MTSS2: variants seen among roughly 807,000 people sequenced by gnomAD.
MTSS2 encodes the protein protein MTSS 2.
Under a neutral mutation model 67.1 loss-of-function variants are expected in MTSS2, and 27 were observed. That is an observed-to-expected ratio of 0.40 (90% CI 0.30 to 0.55). MTSS2 has a LOEUF of 0.55. Ranked by LOEUF, MTSS2 falls within the 20% of genes least tolerant of loss-of-function variation. The pLI, the probability that MTSS2 is intolerant of heterozygous loss-of-function variation, is 0.43. For synonymous variants in MTSS2, 624 were observed against 468.6 expected, an observed-to-expected ratio of 1.33 and a Z score of -4.28; for missense variants, 1,171 against 1,067.8, an observed-to-expected ratio of 1.10 and a Z score of -1.35.
Position 70,674,364 on chromosome 16 carries a change from G to A in MTSS2, c.995C>T (p.Ser332Phe). 6.2e-7 allele frequency: 1 copy of A among 1,614,160 alleles called. No homozygotes were observed. Among genetic ancestry groups the A allele is most frequent in the Non-Finnish European group, 8.5e-7 (1 of 1,180,038 alleles). ...GGGCTTGGAGTAGGTGGCGTCCTGG[G>A]AGACGAAGCCAGAGTCATGGGAGGA... Reference protein sequence around the residue: ...SVSSHDSGFVSQDATYSKPPS... With the variant: ...SVSSHDSGFVFQDATYSKPPS... Residue 332 changes from serine (S) to phenylalanine (F), a missense_variant, in exon 11 of 15, where the codon TCC becomes TTC. Physicochemically the swap from Ser to Phe is radical, Grantham distance 155 (BLOSUM62 -2). Around this residue, in one of 2 missense-constraint regions of MTSS2, gnomAD observed 924 missense variants for 756.0 expected, o/e 1.22. Transcript: ENST00000338779.
rs2052580484 is a variant in MTSS2, at chr16:70,663,767, G to C, written c.2154C>G (p.Pro718=). 2 of 1,534,020 alleles carry C rather than the reference G, an allele frequency of 1.3e-6. No homozygotes were observed. Among genetic ancestry groups the C allele is most frequent in the Non-Finnish European group, 1.8e-6 (2 of 1,142,792 alleles). The part of the protein sequence containing the change: ...PTPPPAATSD[P]PAEDMLVAIR... ...TGGCCACCAGCATGTCTTCGGCCGG[G>C]GGGTCGCTGGTGGCGGCTGGGGGTG... Residue 718 remains proline, a synonymous_variant, in exon 15 of 15, where the codon CCC becomes CCG. Transcript: ENST00000338779.
chr16:70,678,541 C>A (rs531711983), intron 7 of MTSS2, 132 bp from the exon 8 acceptor site: 2 of 1,061,328 alleles, frequency 1.9e-6, no homozygotes, highest in Non-Finnish European at 2.6e-6. Flanking sequence ...CAGGGGACTG[C>A]GGAGGGCAGT....
Position 70,685,239 on chromosome 16 carries a change from C to G in MTSS2, c.69+484G>C, listed in dbSNP as rs546369246. Among the ~76,000 whole-genome samples, 32 of 152,124 alleles carry G rather than the reference C, an allele frequency of 2.1e-4. 1 individual carries two copies. In the South Asian group the frequency reaches 3.5e-3, roughly 17 times the overall value. The stretch of plus-strand genomic sequence containing the variant: ...GGGCTGGGGGACGCAGTCTCACGGT[C>G]GGGTGCAGAGGCCTAGGTCGGCGGG... On this transcript the variant is annotated intron_variant, in intron 1 of 14. Transcript: ENST00000338779.
chr16:70,680,979 A>C lies in MTSS2; in HGVS notation c.116T>G (p.Leu39Arg), dbSNP rs1333390309. The change falls in exon 2 of 15, where the codon CTG becomes CGG. Residue 39 changes from leucine to arginine, a missense_variant. Physicochemically the swap from Leu to Arg is moderately radical, Grantham distance 102. Coordinates refer to ENST00000338779, the MANE Select transcript of MTSS2 (RefSeq NM_138383.3). Reference sequence around the variant, plus strand: ...GCCACCTCACCTCAGCTGGGAATGCAGCTTCGTGGCCTTGGAGTTGAAGTC... The same window carrying C: ...GCCACCTCACCTCAGCTGGGAATGCCGCTTCGTGGCCTTGGAGTTGAAGTC... ...WEDFNSKATK[L>R]HSQLRTTVLA... 6.2e-7 allele frequency: 1 copy of C among 1,608,520 alleles called. No homozygotes were observed. Among genetic ancestry groups the C allele is most frequent in the Non-Finnish European group, 8.5e-7 (1 of 1,178,156 alleles).
At position 70,665,099 on chromosome 16, in the gene MTSS2, G is replaced by A; in HGVS notation, c.1129-3C>T. On this transcript the variant is annotated splice_polypyrimidine_tract_variant and splice_region_variant and intron_variant, in intron 12 of 14. Transcript: ENST00000338779. ...TGGGAGCCGACCTTGGACCAGTCCTGCAGGGAGGGTGTGGCAGGTCAGGGG... is the reference window on the plus strand; with the variant it reads ...TGGGAGCCGACCTTGGACCAGTCCTACAGGGAGGGTGTGGCAGGTCAGGGG... The A allele has an allele frequency of 1.9e-6, 3 of 1,591,114 alleles. No homozygotes were observed. The highest frequency in any genetic ancestry group is 8.5e-7 in the Non-Finnish European group (1 of 1,176,190).
chr16:70,685,674 G>C, intron 1 of MTSS2, 49 bp downstream of exon 1: 1 of 1,142,252 alleles, frequency 8.8e-7, no homozygotes, highest in Non-Finnish European at 1.1e-6. Flanking sequence ...CGTCCCCGGG[G>C]GGTCCCGCAC....
rs146608523 is a variant in MTSS2 at position 70,665,583 on chromosome 16, G to A, written c.1054-43C>T. ...GCAGGCGGTTGCAGACAGAGGGGCC[G>A]GCAGGCAGCAAGGAGGAGAGGAGAG... On this transcript the variant is annotated intron_variant, in intron 11 of 14. Coordinates refer to ENST00000338779, the MANE Select transcript of MTSS2 (RefSeq NM_138383.3). 8.2e-4 allele frequency: 1,233 copies of A among 1,510,994 alleles called. 13 individuals carry two copies. The African/African-American group carries it at 0.015, about 18-fold the overall frequency. 93.6% of individuals were successfully genotyped at this position (1,510,994 alleles called of 1,614,324 possible). A position where few individuals can be genotyped will look rare whatever the true frequency, so the allele number is the denominator to read the frequency against.
In MTSS2 at chr16:70,674,537, G is replaced by A; in HGVS notation, c.831-9C>T. The A allele has an allele frequency of 6.2e-7, 1 of 1,611,170 alleles. No homozygotes were observed. Among genetic ancestry groups the A allele is most frequent in the Non-Finnish European group, 8.5e-7 (1 of 1,179,388 alleles). ...TACTGCTGCTGGGGGCACTAGGGGA[G>A]TGAAGGAAGAGGGCACAGCAGCCAG... On this transcript the variant is annotated splice_polypyrimidine_tract_variant and intron_variant, in intron 10 of 14. Transcript: ENST00000338779.
rs1004379446 is a variant in MTSS2 at position 70,662,305 on chromosome 16, C to T, written c.*1372G>A. The T allele has an allele frequency of 1.3e-5, 2 of 152,376 alleles. No individual in the cohort carries two copies. The highest frequency in any genetic ancestry group is 6.5e-5 in the Admixed American group (1 of 15,286). The allele number at this position is 152,376 out of a possible 1,614,324, so 9.4% of individuals were successfully genotyped here. A position where few individuals can be genotyped will look rare whatever the true frequency, so the allele number is the denominator to read the frequency against. On this transcript the variant is annotated 3_prime_UTR_variant, in exon 15 of 15. Coordinates refer to ENST00000338779, the MANE Select transcript of MTSS2 (RefSeq NM_138383.3). Reference sequence around the variant, plus strand: ...TTTCCCTCCTGACCTGCGGGGCCACCAGGACTCCCTCCGCTCGCCCTAGGC... The same window carrying T: ...TTTCCCTCCTGACCTGCGGGGCCACTAGGACTCCCTCCGCTCGCCCTAGGC...
chr16:70,680,219 C>T (rs1323021279), intron 3 of MTSS2, among the ~76,000 whole-genome samples, 164 bp from the exon 4 acceptor site: 2 of 151,866 alleles, frequency 1.3e-5, no homozygotes, highest in South Asian at 2.1e-4. Context: ...GGGCCTCCTC[C>T]ATCTCCACCA....
rs1175500909 is a variant in MTSS2, at chr16:70,664,910, G to A, written c.1305+10C>T. ...GACCTGGGCGTGAAGGGGGGCCCTG[G>A]CCAGCCTACCTTGGCTGCGATGGTG... On this transcript the variant is annotated intron_variant, in intron 13 of 14. Coordinates refer to ENST00000338779, the MANE Select transcript of MTSS2 (RefSeq NM_138383.3). The A allele has an allele frequency of 1.3e-6, 2 of 1,536,726 alleles. No homozygotes were observed. The highest frequency in any genetic ancestry group is 1.2e-5 in the South Asian group (1 of 82,634).
intron 11 of MTSS2, chr16:70,665,790 T>G (rs1437978032): frequency 1.8e-5 from 7 of 397,710 alleles, no homozygotes; most frequent in Non-Finnish European, 3.2e-5. Flanking sequence ...TTTTGAAGAC[T>G]GACCACAGGA....
At chr16:70,664,556 G>A (rs187173379) in intron 14 of MTSS2, 42 bp downstream of exon 14, 84 of 1,600,884 alleles carry the variant, frequency 5.2e-5, no homozygotes, top group African/African-American at 1.1e-4. Flanking sequence ...GGATGGCTAA[G>A]TCCCAGCTGT....
At chr16:70,684,941 G>A (rs576866070) in intron 1 of MTSS2, among the ~76,000 whole-genome samples, 6 of 152,306 alleles carry the variant, frequency 3.9e-5, no homozygotes, top group African/African-American at 1.4e-4. Context: ...CCATTTCCAG[G>A]CCTCAGTTTC....
chr16:70,682,348 C>T (rs1211052050), intron 1 of MTSS2, among the ~76,000 whole-genome samples: 2 of 152,106 alleles, frequency 1.3e-5, no homozygotes, highest in African/African-American at 4.8e-5. Flanking sequence ...CCTGGAGTAC[C>T]CCTTGGGGGT....
In MTSS2 at chr16:70,664,996, G is replaced by C. The variant is rs746132522; in HGVS notation, c.1229C>G (p.Ala410Gly). The C allele has an allele frequency of 3.8e-6, 6 of 1,591,106 alleles. No homozygotes were observed. Among genetic ancestry groups the C allele is most frequent in the Middle Eastern group, 1.8e-4 (1 of 5,578 alleles). ...GCTGGGGCCCAGGGTGCCCCCACTGGCAGGGCCTGGCTCTGTGTCTCGCAG... is the reference window on the plus strand; with the variant it reads ...GCTGGGGCCCAGGGTGCCCCCACTGCCAGGGCCTGGCTCTGTGTCTCGCAG... ...ELLRDTEPGPASGGTLGPSGE... is the reference protein window; with the variant it reads ...ELLRDTEPGPGSGGTLGPSGE... Residue 410 changes from alanine (A) to glycine (G), a missense_variant, in exon 13 of 15, where the codon GCC (alanine) becomes GGC (glycine). Ala to Gly is a moderately conservative substitution (Grantham distance 60). Around this residue, in one of 2 missense-constraint regions of MTSS2, gnomAD observed 924 missense variants for 756.0 expected, o/e 1.22. Transcript: ENST00000338779.
At chr16:70,666,195 A>AG (rs892466269) in intron 11 of MTSS2, among the ~76,000 whole-genome samples, 1 of 151,594 alleles carries the variant, frequency 6.6e-6, no homozygotes, top group Non-Finnish European at 1.5e-5. Context: ...TCTGCGGAGA[A>AG]GGGGGGCAGC....
chr16:70,664,310 G>A lies in MTSS2; in HGVS notation c.1611C>T (p.Ala537=), dbSNP rs1293770483. 4.4e-6 allele frequency: 7 copies of A among 1,589,450 alleles called. No homozygotes were observed. The highest frequency in any genetic ancestry group is 3.6e-5 in the Admixed American group (2 of 55,402). ...CCGCGGTGGGCAGCCCAGCAGTGGA[G>A]GCTGGGCGCTTGGTCTGGATCAGGC... The part of the protein sequence containing the change: ...YRRLIQTKRP[A]STAGLPTAGL... The change falls in exon 15 of 15, where the codon GCC becomes GCT. Residue 537 remains alanine, a synonymous_variant. Transcript: ENST00000338779.
At chr16:70,664,807 C>T (rs746709706) in intron 13 of MTSS2, 44 bp from the exon 14 acceptor site, 2 of 1,555,194 alleles carry the variant, frequency 1.3e-6, no homozygotes, top group South Asian at 2.4e-5. Flanking sequence ...GCCCCCAATC[C>T]CCTCTGCCCA....
Sources: gnomAD v4.1 joint callset for allele counts (sites outside exome capture counted in the v4.1 genomes callset) on GRCh38, gnomAD v4.1.1 for gene constraint, gnomAD v4.1.1 regional missense constraint, MANE v1.5 for transcripts, NCBI Gene and HGNC (gene_info 2026-07-23, HGNC 2026-07-21) for gene names.